Variants in SCYL3 observed in about 807,000 individuals in gnomAD.
SCYL3 encodes the protein SCY1 like pseudokinase 3.
Under a neutral mutation model 73.8 loss-of-function variants are expected in SCYL3, and 35 were observed. The observed-to-expected ratio is 0.47, with a 90% CI of 0.36 to 0.63. SCYL3 has a LOEUF of 0.63. Among genes scored for constraint, SCYL3 ranks in the 20% least tolerant of loss-of-function variants. The probability of loss-of-function intolerance (pLI) is 0.00; values close to 1 mark genes in which losing one functional copy is unlikely to be tolerated. For missense variants in SCYL3, 712 were observed against 798.9 expected, an observed-to-expected ratio of 0.89 and a Z score of 1.31; for synonymous variants, 277 against 295.2, an observed-to-expected ratio of 0.94 and a Z score of 0.63.
In SCYL3 at chr1:169,849,728, G is replaced by C. The variant is rs1307086701; in HGVS notation, c.*3985C>G. ...TTGCAATCGGAAAATTGTCTGAAGGGTACATTACTCGTTATCTCTTTTACA... is the reference window on the plus strand; with the variant it reads ...TTGCAATCGGAAAATTGTCTGAAGGCTACATTACTCGTTATCTCTTTTACA... On this transcript the variant is annotated 3_prime_UTR_variant, in exon 13 of 13. Coordinates refer to ENST00000367771, the MANE Select transcript of SCYL3 (RefSeq NM_020423.7). The C allele has an allele frequency of 1.3e-5, 9 of 709,772 alleles. No homozygotes were observed. Among genetic ancestry groups the C allele is most frequent in the African/African-American group, 3.6e-5 (2 of 55,896 alleles). 44.0% of individuals were successfully genotyped at this position (709,772 alleles called of 1,614,324 possible).
intron 3 of SCYL3, among the ~76,000 whole-genome samples, chr1:169,876,937 A>G (rs1015816890): frequency 6.9e-6 from 1 of 144,256 alleles, no homozygotes; most frequent in Non-Finnish European, 1.5e-5. Flanking sequence ...CCTAGGCGAC[A>G]GAGTGAGACC....
At chr1:169,871,012 G>A (rs1162216913) in intron 5 of SCYL3, among the ~76,000 whole-genome samples, 1 of 152,100 alleles carries the variant, frequency 6.6e-6, no homozygotes, top group Non-Finnish European at 1.5e-5. Context: ...GAATTTATTG[G>A]TAAATAGAAT....
intron 3 of SCYL3, among the ~76,000 whole-genome samples, chr1:169,878,135 G>T (rs1660986937): frequency 6.6e-6 from 1 of 152,134 alleles, no homozygotes; most frequent in South Asian, 2.1e-4. Flanking sequence ...ACCACAGAAT[G>T]TTAAGAGGCT....
intron 2 of SCYL3, among the ~76,000 whole-genome samples, chr1:169,881,479 TTACTG>T (rs1242476991): frequency 6.6e-6 from 1 of 152,172 alleles, no homozygotes; most frequent in Non-Finnish European, 1.5e-5. Context: ...ATACAATCGA[TTACTG>T]TAAACTAGTC....
In SCYL3 at chr1:169,852,060, A is replaced by C. The variant is rs748550286; in HGVS notation, c.*1653T>G. On this transcript the variant is annotated 3_prime_UTR_variant, in exon 13 of 13. Transcript: ENST00000367771. ...TGAATTTCAAATCAAATAGATCTAG[A>C]CATGTAAAATTCTGTTTTATGGTAG... is the stretch of plus-strand genomic sequence containing the variant. 7.3e-7 allele frequency: 1 copy of C among 1,361,918 alleles called. No homozygotes were observed. The highest frequency in any genetic ancestry group is 1.0e-6 in the Non-Finnish European group (1 of 974,302). The allele number at this position is 1,361,918 out of a possible 1,614,324, so 84.4% of individuals were successfully genotyped here. A position where few individuals can be genotyped will look rare whatever the true frequency, so the allele number is the denominator to read the frequency against.
In SCYL3 at chr1:169,870,582, CAT is replaced by C. The variant is rs1033461895; in HGVS notation, c.523-227_523-226del. On this transcript the variant is annotated intron_variant, in intron 5 of 12. Transcript: ENST00000367771. Reference sequence around the variant, plus strand: ...TTTTTAAAAAGGTTAGAATATGGCACATGTCGGTGGCTTTTACAAATATTTTC... The same window carrying C: ...TTTTTAAAAAGGTTAGAATATGGCACGTCGGTGGCTTTTACAAATATTTTC... Among the ~76,000 whole-genome samples the C allele has an allele frequency of 7.9e-5, 12 of 152,280 alleles. No homozygotes were observed. The South Asian group carries it at 1.0e-3, about 13-fold the overall frequency.
At chr1:169,883,039 T>C (rs1433641637) in intron 2 of SCYL3, among the ~76,000 whole-genome samples, 1 of 152,162 alleles carries the variant, frequency 6.6e-6, no homozygotes, top group African/African-American at 2.4e-5. Context: ...CCACACTGCC[T>C]TTATGAGCTG....
chr1:169,872,966 A>G (rs1400851847), intron 5 of SCYL3, among the ~76,000 whole-genome samples: 1 of 152,186 alleles, frequency 6.6e-6, no homozygotes, highest in Non-Finnish European at 1.5e-5. Flanking sequence ...ACATTGGACT[A>G]TGGACTTTTG....
In SCYL3 at chr1:169,851,837, T is replaced by C; in HGVS notation, c.*1876A>G. 1 of 1,614,008 alleles carries C rather than the reference T, an allele frequency of 6.2e-7. No homozygotes were observed. The highest frequency in any genetic ancestry group is 8.5e-7 in the Non-Finnish European group (1 of 1,179,932). The stretch of plus-strand genomic sequence containing the variant: ...GGCAGACTGGGTTTGTAGATGAAAC[T>C]GAAGCTGCCAAAGTGGAACGTGTGA... On this transcript the variant is annotated 3_prime_UTR_variant, in exon 13 of 13. Transcript: ENST00000367771.
chr1:169,891,183 G>C (rs1662055630), intron 1 of SCYL3, among the ~76,000 whole-genome samples: 1 of 152,196 alleles, frequency 6.6e-6, no homozygotes, highest in Admixed American at 6.5e-5. Context: ...CTATGAGGTG[G>C]AGGTGGAGCT....
chr1:169,852,400 AATTAG>A lies in SCYL3; in HGVS notation c.*1308_*1312del. On this transcript the variant is annotated 3_prime_UTR_variant, in exon 13 of 13. Coordinates refer to ENST00000367771, the MANE Select transcript of SCYL3 (RefSeq NM_020423.7). ...TTGTTTTGAGCACTATTAGTATAGTAATTAGTATAGTAGTAATTCATGAAGAACAA... is the reference window on the plus strand; with the variant it reads ...TTGTTTTGAGCACTATTAGTATAGTATATAGTAGTAATTCATGAAGAACAA... The A allele has an allele frequency of 8.0e-6, 2 of 250,846 alleles. No homozygotes were observed. The highest frequency in any genetic ancestry group is 1.6e-5 in the Non-Finnish European group (2 of 128,984). The allele number at this position is 250,846 out of a possible 1,614,324, so 15.5% of individuals were successfully genotyped here.
At chr1:169,864,048 C>T (rs1175928493) in intron 9 of SCYL3, among the ~76,000 whole-genome samples, 2 of 152,150 alleles carry the variant, frequency 1.3e-5, no homozygotes, top group African/African-American at 4.8e-5. Flanking sequence ...GTAGGAGGCA[C>T]AGGCCTAAAT....
intron 2 of SCYL3, among the ~76,000 whole-genome samples, chr1:169,882,615 G>C (rs1331439428): frequency 6.6e-6 from 1 of 152,204 alleles, no homozygotes; most frequent in African/African-American, 2.4e-5. Flanking sequence ...GTCTAGCTCA[G>C]GGACTGTAAA....
At chr1:169,856,365 C>T (rs1321421937) in intron 11 of SCYL3, among the ~76,000 whole-genome samples, 1 of 152,190 alleles carries the variant, frequency 6.6e-6, no homozygotes, top group African/African-American at 2.4e-5. Flanking sequence ...AAACTATACA[C>T]TTAAAAGTAG....
At position 169,854,899 on chromosome 1, in the gene SCYL3, C is replaced by T. The variant is rs769254203; in HGVS notation, c.1378G>A (p.Glu460Lys). ...CTTGATGGGAAGTTTTCACTGTCCT[C>T]CGAAGTATTTTTTACATCTGAGAGT... ...NGLSDVKNTS[E>K]DSENFPSSSK... The change falls in exon 12 of 13, where the codon GAG becomes AAG. Residue 460 changes from glutamate to lysine, a missense_variant. Glu to Lys is a moderately conservative substitution (Grantham distance 56). Transcript: ENST00000367771. 8 of 1,613,728 alleles carry T rather than the reference C, an allele frequency of 5.0e-6. No individual in the cohort carries two copies. The highest frequency in any genetic ancestry group is 6.8e-6 in the Non-Finnish European group (8 of 1,179,812).
Position 169,852,111 on chromosome 1 carries a change from C to T in SCYL3, c.*1602G>A. ...TTGCTTTTAAAATTAAGAAGTGGGA[C>T]TACACCATATCAAATATATTCTTTC... On this transcript the variant is annotated 3_prime_UTR_variant, in exon 13 of 13. Coordinates refer to ENST00000367771, the MANE Select transcript of SCYL3 (RefSeq NM_020423.7). 1.3e-6 allele frequency: 1 copy of T among 757,450 alleles called. No homozygotes were observed. Among genetic ancestry groups the T allele is most frequent in the South Asian group, 1.7e-5 (1 of 60,126 alleles). The allele number at this position is 757,450 out of a possible 1,614,324, so 46.9% of individuals were successfully genotyped here.
intron 11 of SCYL3, among the ~76,000 whole-genome samples, chr1:169,858,125 A>G (rs1280307565): frequency 6.6e-6 from 1 of 152,208 alleles, no homozygotes; most frequent in Admixed American, 6.5e-5. Flanking sequence ...GTTATTTACT[A>G]TAACTTTATA....
Position 169,864,385 on chromosome 1 carries a change from C to G in SCYL3, c.939G>C (p.Leu313=). The stretch of plus-strand genomic sequence containing the variant: ...AGCATTCACCTTTTTTGGGGCCAAG[C>G]AGATAAGGAAGAAAACTCTTAACAG... ...PVAVKSFLPY[L]LGPKKDHAQG... The change falls in exon 9 of 13, where the codon CTG becomes CTC. Residue 313 remains leucine (L), a synonymous_variant. Transcript: ENST00000367771. 1 of 1,614,062 alleles carries G rather than the reference C, an allele frequency of 6.2e-7. No homozygotes were observed. The highest frequency in any genetic ancestry group is 1.3e-5 in the African/African-American group (1 of 75,024).
At chr1:169,880,713 G>T (rs547952616) in intron 2 of SCYL3, among the ~76,000 whole-genome samples, 3 of 150,340 alleles carry the variant, frequency 2.0e-5, no homozygotes, top group African/African-American at 7.3e-5. Context: ...CTTCAGGAAT[G>T]ATGGAACAGC....
Sources: gnomAD v4.1 joint callset for allele counts (sites outside exome capture counted in the v4.1 genomes callset) on GRCh38, gnomAD v4.1.1 for gene constraint, MANE v1.5 for transcripts, NCBI Gene and HGNC (gene_info 2026-07-23, HGNC 2026-07-21) for gene names.